PRDM16: variants seen among roughly 807,000 people sequenced by gnomAD.
The protein encoded by PRDM16 is PR/SET domain 16.
Under a neutral mutation model 110.6 loss-of-function variants are expected in PRDM16, and 23 were observed. The ratio of observed to expected loss-of-function variants is 0.21; its 90% CI spans 0.15 to 0.29. The LOEUF is 0.29. Ranked by LOEUF, PRDM16 falls within the 10% of genes least tolerant of loss-of-function variation. The pLI, the probability that PRDM16 is intolerant of heterozygous loss-of-function variation, is 1.00. For synonymous variants in PRDM16, 799 were observed against 781.8 expected (o/e 1.02, Z -0.37); for missense variants, 1,615 against 1,794.3 (o/e 0.90, Z 1.81).
intron 3 of PRDM16, among the ~76,000 whole-genome samples, chr1:3,322,026 ATG>A (rs1401437952): frequency 4.8e-5 from 7 of 145,460 alleles, no homozygotes; most frequent in African/African-American, 1.9e-4. Context: ...GTGAGTGCAG[ATG>A]TGTGTGAGAG....
rs34675402 is a variant in PRDM16 at position 3,390,834 on chromosome 1, G to GTTT, written c.573+5565_573+5567dup. Reference sequence around the variant, plus strand: ...CCTTTGCTTTTATCTCTCACAGTGTGTTTTTTTTTTTTTTTTTTTAGACAG... The same window carrying GTTT: ...CCTTTGCTTTTATCTCTCACAGTGTGTTTTTTTTTTTTTTTTTTTTTTAGACAG... On this transcript the variant is annotated intron_variant, in intron 4 of 16. Transcript: ENST00000270722. This position sits in a 1 kb window ranked among gnomAD's most constrained non-coding sequence, Gnocchi z 5.0. Among the ~76,000 whole-genome samples, 17 of 125,680 alleles carry GTTT rather than the reference G, an allele frequency of 1.4e-4. No homozygotes were observed. Among genetic ancestry groups the GTTT allele is most frequent in the African/African-American group, 2.4e-4 (8 of 33,534 alleles). 82.5% of individuals were successfully genotyped at this position (125,680 alleles called of 152,430 possible).
At chr1:3,102,057 C>G (rs113272799) in intron 1 of PRDM16, among the ~76,000 whole-genome samples, 2 of 152,342 alleles carry the variant, frequency 1.3e-5, no homozygotes, top group Non-Finnish European at 2.9e-5. Context: ...ATTTACAAAA[C>G]CAAGGAAGGC....
At position 3,206,998 on chromosome 1, in the gene PRDM16, C is replaced by T. The variant is rs1638766976; in HGVS notation, c.387+20524C>T. 6.6e-6 allele frequency: 1 copy of T among 152,254 alleles called. No homozygotes were observed. The highest frequency in any genetic ancestry group is 1.5e-5 in the Non-Finnish European group (1 of 68,096). The allele number at this position is 152,254 out of a possible 1,614,324, so 9.4% of individuals were successfully genotyped here. On this transcript the variant is annotated intron_variant, in intron 2 of 16. Transcript: ENST00000270722. This position sits in a 1 kb window ranked among gnomAD's most constrained non-coding sequence, Gnocchi z 4.9. ...CAGCAATGCCGCCCGCATGTCCCCA[C>T]ATGGACCTGCTTCCAGGAAGGTGGA...
At chr1:3,226,044 G>A (rs1240012606) in intron 2 of PRDM16, among the ~76,000 whole-genome samples, 1 of 152,314 alleles carries the variant, frequency 6.6e-6, no homozygotes, top group South Asian at 2.1e-4. Context: ...CCTCGACCTC[G>A]CCCAGCAGGC....
chr1:3,144,683 T>G (rs1643612688), intron 1 of PRDM16, among the ~76,000 whole-genome samples: 1 of 152,222 alleles, frequency 6.6e-6, no homozygotes, highest in South Asian at 2.1e-4. Context: ...TTTGCACCAT[T>G]GCTTAGGCTA....
chr1:3,298,102 C>G (rs1306304479), intron 3 of PRDM16, among the ~76,000 whole-genome samples: 2 of 152,268 alleles, frequency 1.3e-5, no homozygotes, highest in Non-Finnish European at 2.9e-5. Flanking sequence ...GGGCCATGCA[C>G]TAGAGAAGGC....
At chr1:3,123,669 G>A (rs530258356) in intron 1 of PRDM16, among the ~76,000 whole-genome samples, 4 of 152,356 alleles carry the variant, frequency 2.6e-5, no homozygotes, top group South Asian at 2.1e-4. Context: ...CCAAGCTGGC[G>A]TGAAGCTGGA....
At chr1:3,400,474 A>G (rs1643448891) in intron 5 of PRDM16, among the ~76,000 whole-genome samples, 1 of 152,054 alleles carries the variant, frequency 6.6e-6, no homozygotes. Flanking sequence ...TTTCTTGCCC[A>G]CCTCCTCCCA....
chr1:3,269,846 A>AGGGAGGAGGAC (rs1557570662), intron 3 of PRDM16, among the ~76,000 whole-genome samples: 9,743 of 98,864 alleles, frequency 0.099, 2,635 homozygotes, highest in African/African-American at 0.3. Context: ...CAGAGGATGA[A>AGGGAGGAGGAC]AGTCCCAGAG....
In PRDM16 at chr1:3,181,027, T is replaced by TACACGCGGTCTTAC. The variant is rs1449187651; in HGVS notation, c.38-5091_38-5078dup. ...ACACGCGGTCTTACAAATGCGGTCTTACACGCGGTCTTACACACGCAGTCT... is the reference window on the plus strand; with the variant it reads ...ACACGCGGTCTTACAAATGCGGTCTTACACGCGGTCTTACACACGCGGTCTTACACACGCAGTCT... On this transcript the variant is annotated intron_variant, in intron 1 of 16. Coordinates refer to ENST00000270722, the MANE Select transcript of PRDM16 (RefSeq NM_022114.4). Among the ~76,000 whole-genome samples the TACACGCGGTCTTAC allele has an allele frequency of 1.5e-5, 2 of 129,752 alleles. 1 individual carries two copies. Among genetic ancestry groups the TACACGCGGTCTTAC allele is most frequent in the East Asian group, 4.8e-4 (2 of 4,206 alleles). 85.1% of individuals were successfully genotyped at this position (129,752 alleles called of 152,430 possible). A position where few individuals can be genotyped will look rare whatever the true frequency, so the allele number is the denominator to read the frequency against.
At chr1:3,097,261 C>A (rs1053979927) in intron 1 of PRDM16, among the ~76,000 whole-genome samples, 2 of 152,208 alleles carry the variant, frequency 1.3e-5, no homozygotes, top group Non-Finnish European at 2.9e-5. Flanking sequence ...GTCCGTGTGA[C>A]CTGCCTCGGA....
intron 1 of PRDM16, among the ~76,000 whole-genome samples, chr1:3,170,301 A>C (rs967101843): frequency 3.3e-5 from 5 of 152,126 alleles, no homozygotes; most frequent in Admixed American, 1.3e-4. Flanking sequence ...TCCAGGCCTG[A>C]AGGGGTGAGG....
At chr1:3,313,918 G>A (rs1250951418) in intron 3 of PRDM16, among the ~76,000 whole-genome samples, 3 of 152,246 alleles carry the variant, frequency 2.0e-5, no homozygotes, top group Non-Finnish European at 4.4e-5. Context: ...CGCCCTGGCT[G>A]CGATTTATTG....
chr1:3,322,060 T>G (rs968058965), intron 3 of PRDM16, among the ~76,000 whole-genome samples: 39 of 150,218 alleles, frequency 2.6e-4, no homozygotes, highest in African/African-American at 7.7e-4. Flanking sequence ...CGTGTGTGTG[T>G]GGGGAGTGCA....
At chr1:3,352,681 G>A (rs1156691739) in intron 3 of PRDM16, among the ~76,000 whole-genome samples, 1 of 152,228 alleles carries the variant, frequency 6.6e-6, no homozygotes, top group African/African-American at 2.4e-5. Context: ...AATCATCACT[G>A]TCAGGCCGTT....
Position 3,209,554 on chromosome 1 carries a change from A to G in PRDM16, c.387+23080A>G, listed in dbSNP as rs1021145892. On this transcript the variant is annotated intron_variant, in intron 2 of 16. Coordinates refer to ENST00000270722, the MANE Select transcript of PRDM16 (RefSeq NM_022114.4). The surrounding 1 kb of genome is among the most constrained non-coding windows in gnomAD (Gnocchi z 4.6). ...CGTGGTTCTGCTCCTGCACATTTCC[A>G]AAGGAAGCTCCCTGTGGGTGCGCGT... 6.6e-6 allele frequency among the ~76,000 whole-genome samples: 1 copy of G among 152,160 alleles called. No individual in the cohort carries two copies. Among genetic ancestry groups the G allele is most frequent in the Admixed American group, 6.5e-5 (1 of 15,282 alleles).
In PRDM16 at chr1:3,201,816, T is replaced by G. The variant is rs56087087; in HGVS notation, c.387+15342T>G. Among the ~76,000 whole-genome samples, 23 of 152,270 alleles carry G rather than the reference T, an allele frequency of 1.5e-4. No individual in the cohort carries two copies. Among genetic ancestry groups the G allele is most frequent in the African/African-American group, 5.5e-4 (23 of 41,548 alleles). On this transcript the variant is annotated intron_variant, in intron 2 of 16. Coordinates refer to ENST00000270722, the MANE Select transcript of PRDM16 (RefSeq NM_022114.4). This position sits in a 1 kb window ranked among gnomAD's most constrained non-coding sequence, Gnocchi z 4.1. ...CCTCTGTTTCTACCTCGGGTTGGTG[T>G]CTCCCGCCCACTTCTGTGTCCACTG...
intron 12 of PRDM16, among the ~76,000 whole-genome samples, chr1:3,424,072 C>T (rs1638515861): frequency 6.6e-6 from 1 of 152,198 alleles, no homozygotes; most frequent in African/African-American, 2.4e-5. Context: ...GTCGCCCAGC[C>T]CAGCCGGGTG....
chr1:3,336,050 C>T (rs999931454), intron 3 of PRDM16, among the ~76,000 whole-genome samples: 5 of 152,232 alleles, frequency 3.3e-5, no homozygotes, highest in South Asian at 2.1e-4. Context: ...GTATCGCTGA[C>T]GCTGATGTGC....
Sources: gnomAD v4.1 joint callset for allele counts (sites outside exome capture counted in the v4.1 genomes callset) on GRCh38, gnomAD v4.1.1 for gene constraint, Gnocchi (gnomAD v3.1) non-coding constraint, MANE v1.5 for transcripts, NCBI Gene and HGNC (gene_info 2026-07-23, HGNC 2026-07-21) for gene names.